Variants in WDFY3 observed in about 807,000 individuals in gnomAD.
WDFY3 encodes WD repeat and FYVE domain containing 3, also known as WD repeat and FYVE domain-containing protein 3.
In WDFY3, 66 loss-of-function variants were observed where a neutral mutation model predicts 409.6. That is an observed-to-expected ratio of 0.16 (90% confidence interval 0.13 to 0.20). The LOEUF is 0.20. Among genes scored for constraint, WDFY3 ranks in the 10% least tolerant of loss-of-function variants. WDFY3 has a pLI of 1.00. For missense variants in WDFY3, 3,031 were observed against 4,298.1 expected, an observed-to-expected ratio of 0.71 and a Z score of 8.24; for synonymous variants, 1,521 against 1,537.1, an observed-to-expected ratio of 0.99 and a Z score of 0.25.
intron 32 of WDFY3, among the ~76,000 whole-genome samples, chr4:84,762,356 C>T (rs938137644): frequency 6.0e-5 from 9 of 151,108 alleles, no homozygotes; most frequent in East Asian, 5.9e-4. Context: ...AGTAAACTAT[C>T]GCAAGAACAA....
chr4:84,765,454 T>G (rs1743462714), intron 32 of WDFY3, among the ~76,000 whole-genome samples: 1 of 152,148 alleles, frequency 6.6e-6, no homozygotes, highest in Admixed American at 6.6e-5. Flanking sequence ...CTGGCAAGTG[T>G]TTAGGAACTG....
chr4:84,784,515 A>G lies in WDFY3; in HGVS notation c.4063-1441T>C, dbSNP rs1030521739. Among the ~76,000 whole-genome samples the G allele has an allele frequency of 5.3e-5, 8 of 152,102 alleles. No individual in the cohort carries two copies. The East Asian group carries it at 1.6e-3, about 29-fold the overall frequency. On this transcript the variant is annotated intron_variant, in intron 24 of 67. Transcript: ENST00000295888. The stretch of plus-strand genomic sequence containing the variant: ...ACCTTCCACACTCATTCCACATTCT[A>G]TCACACAAAACTGCTAGGTCAACTT...
intron 64 of WDFY3, among the ~76,000 whole-genome samples, chr4:84,681,018 T>G (rs1485211902): frequency 2.0e-5 from 3 of 152,142 alleles, no homozygotes; most frequent in Admixed American, 6.5e-5. Context: ...GAATGAAGTT[T>G]TCACCCCAAC....
intron 36 of WDFY3, 115 bp downstream of exon 36, chr4:84,751,368 G>T: frequency 1.9e-6 from 2 of 1,063,128 alleles, no homozygotes; most frequent in Non-Finnish European, 2.8e-6. Context: ...AACATGTTCT[G>T]CCTACACATA....
In WDFY3 at chr4:84,783,206, C is replaced by G. The variant is rs1006280033; in HGVS notation, c.4063-132G>C. On this transcript the variant is annotated intron_variant, in intron 24 of 67. Transcript: ENST00000295888. ...CCTTATCAGAATACTGAAAAACGAGCATTTAGGTCCAGCCTGGTGGCTCAT... is the reference window on the plus strand; with the variant it reads ...CCTTATCAGAATACTGAAAAACGAGGATTTAGGTCCAGCCTGGTGGCTCAT... 3.7e-6 allele frequency: 3 copies of G among 805,192 alleles called. No individual in the cohort carries two copies. In the African/African-American group the frequency reaches 5.2e-5, roughly 14 times the overall value. 49.9% of individuals were successfully genotyped at this position (805,192 alleles called of 1,614,324 possible).
rs546910520 is a variant in WDFY3 at position 84,942,486 on chromosome 4, T to C, written c.-225-10123A>G. Among the ~76,000 whole-genome samples, 169 of 152,358 alleles carry C rather than the reference T, an allele frequency of 1.1e-3. 2 individuals are homozygous for C. The highest frequency in any genetic ancestry group is 3.8e-3 in the African/African-American group (156 of 41,588). On this transcript the variant is annotated intron_variant, in intron 1 of 67. Transcript: ENST00000295888. ...ACATTTTGAATGCTGCTATGAACAT[T>C]AGCCTTTTTGTGGACATGTGCTTTC...
At chr4:84,746,023 C>T (rs1315456567) in intron 36 of WDFY3, among the ~76,000 whole-genome samples, 1 of 151,644 alleles carries the variant, frequency 6.6e-6, no homozygotes, top group African/African-American at 2.4e-5. Flanking sequence ...AAATGGTACT[C>T]CTGGTTGGGC....
rs560404953 is a variant in WDFY3 at position 84,830,155 on chromosome 4, G to T, written c.770-965C>A. Among the ~76,000 whole-genome samples, 192 of 152,126 alleles carry T rather than the reference G, an allele frequency of 1.3e-3. 1 individual carries two copies. The highest frequency in any genetic ancestry group is 2.4e-3 in the Non-Finnish European group (161 of 68,018). On this transcript the variant is annotated intron_variant, in intron 8 of 67. Transcript: ENST00000295888. ...CATATGTCACTTAATAAATGTAAGT[G>T]AACAAATTGGTGTATTAATTATTTT...
intron 61 of WDFY3, among the ~76,000 whole-genome samples, chr4:84,689,002 A>G (rs774949713): frequency 3.9e-5 from 6 of 152,242 alleles, no homozygotes; most frequent in Admixed American, 2.0e-4. Context: ...GTTCCTAAGT[A>G]CTTAGAATGG....
At chr4:84,906,416 G>A (rs1029836462) in intron 2 of WDFY3, among the ~76,000 whole-genome samples, 3 of 152,138 alleles carry the variant, frequency 2.0e-5, no homozygotes, top group Non-Finnish European at 4.4e-5. Context: ...GTAAAATTAT[G>A]AAGAGGTACC....
intron 56 of WDFY3, among the ~76,000 whole-genome samples, chr4:84,700,237 C>T (rs1207163968): frequency 1.3e-5 from 2 of 152,210 alleles, no homozygotes; most frequent in African/African-American, 4.8e-5. Context: ...CAAGGTGTCA[C>T]TTTATCACCC....
At chr4:84,842,547 G>C (rs932222510) in intron 5 of WDFY3, among the ~76,000 whole-genome samples, 2 of 151,246 alleles carry the variant, frequency 1.3e-5, no homozygotes, top group Non-Finnish European at 2.9e-5. Context: ...CATATACTTG[G>C]TGGCTCACGC....
chr4:84,912,806 C>A (rs1253071299), intron 2 of WDFY3, among the ~76,000 whole-genome samples: 1 of 152,018 alleles, frequency 6.6e-6, no homozygotes, highest in Admixed American at 6.6e-5. Flanking sequence ...AAGTGAGCAC[C>A]AGGATTTAAG....
intron 43 of WDFY3, among the ~76,000 whole-genome samples, chr4:84,733,996 C>T (rs557170358): frequency 6.6e-6 from 1 of 152,190 alleles, no homozygotes; most frequent in Non-Finnish European, 1.5e-5. Flanking sequence ...AAAATAGCTA[C>T]CACAACATGT....
chr4:84,868,263 G>A (rs961462435), intron 3 of WDFY3, among the ~76,000 whole-genome samples: 2 of 142,126 alleles, frequency 1.4e-5, no homozygotes, highest in South Asian at 4.7e-4. Context: ...AATCTTTCTG[G>A]AAAATCCTTT....
chr4:84,822,165 T>C (rs992959891), intron 10 of WDFY3, among the ~76,000 whole-genome samples: 3 of 152,182 alleles, frequency 2.0e-5, no homozygotes, highest in Admixed American at 6.6e-5. Context: ...AAAAAAACTT[T>C]ATACATGGCT....
chr4:84,945,073 A>C (rs932174273), intron 1 of WDFY3, among the ~76,000 whole-genome samples: 3 of 152,196 alleles, frequency 2.0e-5, no homozygotes, highest in African/African-American at 7.2e-5. Flanking sequence ...GTGTATGTTC[A>C]CCAGAATTCT....
At chr4:84,931,230 C>T (rs1456964799) in intron 2 of WDFY3, among the ~76,000 whole-genome samples, 1 of 152,116 alleles carries the variant, frequency 6.6e-6, no homozygotes, top group Non-Finnish European at 1.5e-5. Flanking sequence ...ATCCACATTT[C>T]AGTAGGAATA....
rs201688279 is a variant in WDFY3, at chr4:84,778,658, A to G, written c.4366-3T>C. ...TTCTTAAGCAACATTGCCAGCAACT[A>G]CAAGAAAGTAATACCAAATGCCTGT... On this transcript the variant is annotated splice_polypyrimidine_tract_variant and splice_region_variant and intron_variant, in intron 26 of 67. Coordinates refer to ENST00000295888, the MANE Select transcript of WDFY3 (RefSeq NM_014991.6). 6.2e-7 allele frequency: 1 copy of G among 1,602,912 alleles called. No individual in the cohort carries two copies. The highest frequency in any genetic ancestry group is 8.5e-7 in the Non-Finnish European group (1 of 1,176,786).
Sources: allele counts gnomAD v4.1 joint callset (sites outside exome capture counted in the v4.1 genomes callset), GRCh38; gene constraint gnomAD v4.1.1; transcripts MANE v1.5; gene names NCBI Gene and HGNC (gene_info 2026-07-23, HGNC 2026-07-21).